Variants in BEND6 observed in about 807,000 individuals in gnomAD.
BEND6 encodes the protein BEN domain containing 6, also known as BEN domain-containing protein 6.
BEND6 carries 24 observed loss-of-function variants against 31.8 expected under a neutral mutation model. That is an observed-to-expected ratio of 0.75 (90% confidence interval 0.55 to 1.06). The LOEUF is 1.06. BEND6 is among the 50% of genes least tolerant of loss of function. The probability of loss-of-function intolerance (pLI) is 0.00; values close to 1 mark genes in which losing one functional copy is unlikely to be tolerated. For synonymous variants in BEND6, 109 were observed against 114.6 expected, an observed-to-expected ratio of 0.95 and a Z score of 0.31; for missense variants, 294 against 327.4, an observed-to-expected ratio of 0.90 and a Z score of 0.79.
chr6:56,966,620 G>C (rs576197203), intron 1 of BEND6, among the ~76,000 whole-genome samples: 1 of 152,304 alleles, frequency 6.6e-6, no homozygotes, highest in Admixed American at 6.5e-5. Context: ...TGACACTGTG[G>C]AGCAGGTGAA....
chr6:56,987,674 C>T (rs889495825), intron 2 of BEND6, among the ~76,000 whole-genome samples: 4 of 152,204 alleles, frequency 2.6e-5, no homozygotes, highest in African/African-American at 9.7e-5. Context: ...CCAGGCTCCT[C>T]CTCCATGCAC....
Position 56,998,514 on chromosome 6 carries a change from T to C in BEND6, c.298+5959T>C, listed in dbSNP as rs553532426. ...AGAAAGGTATTAAATTGTCAGTATT[T>C]ATCATGTGTACACCTAGGAAAAACA... On this transcript the variant is annotated intron_variant, in intron 3 of 6. Transcript: ENST00000370746. Among the ~76,000 whole-genome samples, 6 of 152,242 alleles carry C rather than the reference T, an allele frequency of 3.9e-5. No individual in the cohort carries two copies. The South Asian group carries it at 1.2e-3, about 32-fold the overall frequency.
chr6:56,961,343 A>G (rs1222505674), intron 1 of BEND6, among the ~76,000 whole-genome samples: 1 of 152,198 alleles, frequency 6.6e-6, no homozygotes, highest in East Asian at 1.9e-4. Context: ...GCTGCCACCC[A>G]AAGACTAAAT....
chr6:56,978,126 A>C (rs1031872167), intron 1 of BEND6, among the ~76,000 whole-genome samples: 7 of 151,416 alleles, frequency 4.6e-5, no homozygotes, highest in East Asian at 1.9e-4. Flanking sequence ...AAAAAAAAAA[A>C]CTAAAAATTA....
chr6:57,022,164 C>CTTT (rs57185788), intron 6 of BEND6, among the ~76,000 whole-genome samples: 14 of 111,182 alleles, frequency 1.3e-4, no homozygotes, highest in Non-Finnish European at 2.4e-4. Flanking sequence ...TTTTCTTTTT[C>CTTT]TTTTTTTTTT....
At chr6:57,011,736 GAAAAA>G (rs1238082293) in intron 3 of BEND6, among the ~76,000 whole-genome samples, 1 of 105,358 alleles carries the variant, frequency 9.5e-6, no homozygotes, top group Non-Finnish European at 2.0e-5. Flanking sequence ...AAAAAAAAAA[GAAAAA>G]AAAAGAAAAG....
intron 3 of BEND6, among the ~76,000 whole-genome samples, chr6:57,003,755 G>C (rs1156790370): frequency 1.3e-5 from 2 of 152,106 alleles, no homozygotes; most frequent in Non-Finnish European, 1.5e-5. Flanking sequence ...CAATATCCCT[G>C]ATGAACATAG....
chr6:57,017,148 AC>A (rs1482197455), intron 4 of BEND6, 58 bp from the exon 5 acceptor site: 2 of 1,295,676 alleles, frequency 1.5e-6, no homozygotes, highest in Non-Finnish European at 2.1e-6. Flanking sequence ...TCAATTAGTA[AC>A]ATATTTCTCC....
chr6:56,990,604 C>T (rs983354307), intron 2 of BEND6, among the ~76,000 whole-genome samples: 31 of 152,228 alleles, frequency 2.0e-4, no homozygotes, highest in Admixed American at 1.0e-3. Flanking sequence ...CAGCACCCTA[C>T]GGTTTTCTAG....
intron 2 of BEND6, among the ~76,000 whole-genome samples, chr6:56,985,472 C>CAA (rs756046889): frequency 3.9e-5 from 6 of 152,158 alleles, no homozygotes; most frequent in Non-Finnish European, 7.3e-5. Context: ...GCCCTCCCCT[C>CAA]ACTCTCCCAT....
intron 1 of BEND6, among the ~76,000 whole-genome samples, chr6:56,971,248 C>A (rs773891550): frequency 6.6e-6 from 1 of 152,196 alleles, no homozygotes; most frequent in Non-Finnish European, 1.5e-5. Flanking sequence ...TTGGAACTGG[C>A]ATATTTCACT....
chr6:56,966,593 CAATT>C lies in BEND6; in HGVS notation c.-101+11134_-101+11137del, dbSNP rs377715250. On this transcript the variant is annotated intron_variant, in intron 1 of 6. Coordinates refer to ENST00000370746, the MANE Select transcript of BEND6 (RefSeq NM_152731.3). ...CCTGTGCCTGCAGGCTTTTTATTGA[CAATT>C]GATTGGGATAAGTGACACTGTGGAG... Among the ~76,000 whole-genome samples, 561 of 152,280 alleles carry C rather than the reference CAATT, an allele frequency of 3.7e-3. 5 individuals carry two copies. Among genetic ancestry groups the C allele is most frequent in the African/African-American group, 0.013 (541 of 41,562 alleles).
At chr6:56,996,181 C>T (rs1019875486) in intron 3 of BEND6, among the ~76,000 whole-genome samples, 1 of 152,126 alleles carries the variant, frequency 6.6e-6, no homozygotes. Context: ...GGCACAGTGG[C>T]TCACACCTGT....
intron 1 of BEND6, among the ~76,000 whole-genome samples, chr6:56,974,790 A>G (rs1037143178): frequency 6.6e-6 from 1 of 152,142 alleles, no homozygotes; most frequent in African/African-American, 2.4e-5. Flanking sequence ...CAGTTTACAT[A>G]CATATCTCAA....
intron 3 of BEND6, among the ~76,000 whole-genome samples, chr6:57,001,803 C>T (rs1356780907): frequency 6.6e-6 from 1 of 152,136 alleles, no homozygotes; most frequent in Non-Finnish European, 1.5e-5. Context: ...AAGTACGTTG[C>T]CCACAGATAC....
rs1827081093 is a variant in BEND6 at position 57,004,557 on chromosome 6, T to A, written c.299-10576T>A. The A allele has an allele frequency of 8.1e-6, 7 of 861,384 alleles. No individual in the cohort carries two copies. The African/African-American group carries it at 9.9e-5, about 12-fold the overall frequency. 53.4% of individuals were successfully genotyped at this position (861,384 alleles called of 1,614,324 possible). ...ATGACTACCACATGCCCCTCACAGG[T>A]GCGCCAGAACTACCACCAGGACTCA... is the stretch of plus-strand genomic sequence containing the variant. On this transcript the variant is annotated intron_variant, in intron 3 of 6. Coordinates refer to ENST00000370746, the MANE Select transcript of BEND6 (RefSeq NM_152731.3).
intron 2 of BEND6, among the ~76,000 whole-genome samples, chr6:56,989,171 T>A (rs571404857): frequency 6.6e-5 from 10 of 151,410 alleles, no homozygotes; most frequent in Admixed American, 6.6e-4. Context: ...ATATAATCTA[T>A]ATTTATCTAG....
intron 3 of BEND6, among the ~76,000 whole-genome samples, chr6:56,992,776 A>G (rs1022650619): frequency 1.3e-5 from 2 of 152,330 alleles, no homozygotes; most frequent in African/African-American, 4.8e-5. Flanking sequence ...TCTCCTACAA[A>G]ATACTAAATA....
intron 6 of BEND6, among the ~76,000 whole-genome samples, chr6:57,021,776 G>A (rs745912386): frequency 3.9e-5 from 6 of 152,118 alleles, no homozygotes; most frequent in Admixed American, 6.6e-5. Context: ...AATCTCTGGC[G>A]TAATGTTACA....
Sources: gnomAD v4.1 joint callset for allele counts (sites outside exome capture counted in the v4.1 genomes callset) on GRCh38, gnomAD v4.1.1 for gene constraint, MANE v1.5 for transcripts, NCBI Gene and HGNC (gene_info 2026-07-23, HGNC 2026-07-21) for gene names.